OR5AS1: variants seen among roughly 807,000 people sequenced by gnomAD.
OR5AS1 encodes the protein olfactory receptor family 5 subfamily AS member 1, also known as olfactory receptor 5AS1.
For synonymous variants in OR5AS1, 196 were observed against 141.7 expected (o/e 1.38, Z -2.72); for missense variants, 492 against 378.2 (o/e 1.30, Z -2.50).
rs558003479 is a variant in OR5AS1, at chr11:56,036,895, C to A, written c.*5502C>A. On this transcript the variant is annotated 3_prime_UTR_variant, in exon 2 of 2. Transcript: ENST00000641320. ...AAAAATACTGGCAAACTGAATTCAG[C>A]GGCACATCAAAAAGCTTATCCACCA... 2 of 151,982 alleles carry A rather than the reference C, an allele frequency of 1.3e-5. No individual in the cohort carries two copies. The highest frequency in any genetic ancestry group is 4.1e-4 in the South Asian group (2 of 4,822). The allele number at this position is 151,982 out of a possible 1,614,324, so 9.4% of individuals were successfully genotyped here. A position where few individuals can be genotyped will look rare whatever the true frequency, so the allele number is the denominator to read the frequency against.
At position 56,037,874 on chromosome 11, in the gene OR5AS1, A is replaced by G. The variant is rs1198428044; in HGVS notation, c.*6481A>G. On this transcript the variant is annotated 3_prime_UTR_variant, in exon 2 of 2. Transcript: ENST00000641320. ...ATGCTACCTGGCTTCAAACTATACTACAAGGCTACAGTAATAAAAACAGTA... is the reference window on the plus strand; with the variant it reads ...ATGCTACCTGGCTTCAAACTATACTGCAAGGCTACAGTAATAAAAACAGTA... 6.6e-6 allele frequency: 1 copy of G among 152,144 alleles called. No individual in the cohort carries two copies. Among genetic ancestry groups the G allele is most frequent in the Non-Finnish European group, 1.5e-5 (1 of 68,052 alleles). The allele number at this position is 152,144 out of a possible 1,614,324, so 9.4% of individuals were successfully genotyped here.
chr11:56,028,315 T>TA (rs1041884184), intron 1 of OR5AS1, among the ~76,000 whole-genome samples: 53 of 152,166 alleles, frequency 3.5e-4, no homozygotes, highest in African/African-American at 1.3e-3. Context: ...ATATAACAAA[T>TA]AATTTAGGCA....
chr11:56,035,783 G>A lies in OR5AS1; in HGVS notation c.*4390G>A, dbSNP rs750898996. 2.6e-5 allele frequency: 4 copies of A among 152,036 alleles called. No individual in the cohort carries two copies. The highest frequency in any genetic ancestry group is 4.4e-5 in the Non-Finnish European group (3 of 68,046). The allele number at this position is 152,036 out of a possible 1,614,324, so 9.4% of individuals were successfully genotyped here. A position where few individuals can be genotyped will look rare whatever the true frequency, so the allele number is the denominator to read the frequency against. On this transcript the variant is annotated 3_prime_UTR_variant, in exon 2 of 2. Coordinates refer to ENST00000641320, the MANE Select transcript of OR5AS1 (RefSeq NM_001001921.2). ...CTTGAACTCAGCTCTGGACCAAGCAGACCTAATAGACCTCTACAGAACTCT... is the reference window on the plus strand; with the variant it reads ...CTTGAACTCAGCTCTGGACCAAGCAAACCTAATAGACCTCTACAGAACTCT...
rs751678597 is a variant in OR5AS1 at position 56,030,487 on chromosome 11, CAG to C, written c.72_73del (p.Arg24SerfsTer26). ...TTGGATTCACAGATTATCTACCTCT[CAG>C]AGTCACACTGTTCTTGGTATTCCTT... ...FVGFTDYLPL[R>X]VTLFLVFLLV... On this transcript the variant is annotated frameshift_variant, in exon 2 of 2. Coordinates refer to ENST00000641320, the MANE Select transcript of OR5AS1 (RefSeq NM_001001921.2). LOFTEE classifies it low-confidence loss of function (END_TRUNC). 2.0e-6 allele frequency: 3 copies of C among 1,512,138 alleles called. No homozygotes were observed. Among genetic ancestry groups the C allele is most frequent in the South Asian group, 2.7e-5 (2 of 74,420 alleles). 93.7% of individuals were successfully genotyped at this position (1,512,138 alleles called of 1,614,324 possible).
chr11:56,028,342 G>A (rs1401437053), intron 1 of OR5AS1, among the ~76,000 whole-genome samples: 1 of 151,966 alleles, frequency 6.6e-6, no homozygotes, highest in Non-Finnish European at 1.5e-5. Context: ...AGTTCAATGA[G>A]TTCTAGAAAA....
In OR5AS1 at chr11:56,035,619, GA is replaced by G. The variant is rs1222148740; in HGVS notation, c.*4227del. On this transcript the variant is annotated 3_prime_UTR_variant, in exon 2 of 2. Coordinates refer to ENST00000641320, the MANE Select transcript of OR5AS1 (RefSeq NM_001001921.2). The stretch of plus-strand genomic sequence containing the variant: ...CTAAATATATATGTACCCAATACAA[GA>G]GCACCCAAATTCATAAAGCCAGTTC... 1 of 152,064 alleles carries G rather than the reference GA, an allele frequency of 6.6e-6. No homozygotes were observed. The highest frequency in any genetic ancestry group is 1.5e-5 in the Non-Finnish European group (1 of 68,022). 9.4% of individuals were successfully genotyped at this position (152,064 alleles called of 1,614,324 possible). A position where few individuals can be genotyped will look rare whatever the true frequency, so the allele number is the denominator to read the frequency against.
rs1212602973 is a variant in OR5AS1, at chr11:56,037,422, A to C, written c.*6029A>C. The C allele has an allele frequency of 6.6e-6, 1 of 152,176 alleles. No individual in the cohort carries two copies. Among genetic ancestry groups the C allele is most frequent in the Non-Finnish European group, 1.5e-5 (1 of 68,048 alleles). 9.4% of individuals were successfully genotyped at this position (152,176 alleles called of 1,614,324 possible). ...TAAGCAACTTCAGCAAAATGTCAGGATACAAAATCAATGTGCAAAAATCAC... is the reference window on the plus strand; with the variant it reads ...TAAGCAACTTCAGCAAAATGTCAGGCTACAAAATCAATGTGCAAAAATCAC... On this transcript the variant is annotated 3_prime_UTR_variant, in exon 2 of 2. Transcript: ENST00000641320.
At position 56,033,099 on chromosome 11, in the gene OR5AS1, T is replaced by C. The variant is rs1464031712; in HGVS notation, c.*1706T>C. 2.0e-5 allele frequency: 3 copies of C among 152,398 alleles called. No homozygotes were observed. The highest frequency in any genetic ancestry group is 6.6e-5 in the Admixed American group (1 of 15,262). The allele number at this position is 152,398 out of a possible 1,614,324, so 9.4% of individuals were successfully genotyped here. A position where few individuals can be genotyped will look rare whatever the true frequency, so the allele number is the denominator to read the frequency against. On this transcript the variant is annotated 3_prime_UTR_variant, in exon 2 of 2. Transcript: ENST00000641320. ...AGGAACGGGTGCACTCTGGCCCAGATACTATGCTTTTCCCATCGTCTTCAC... is the reference window on the plus strand; with the variant it reads ...AGGAACGGGTGCACTCTGGCCCAGACACTATGCTTTTCCCATCGTCTTCAC...
Position 56,038,104 on chromosome 11 carries a change from T to G in OR5AS1, c.*6711T>G, listed in dbSNP as rs767447951. ...GAAACTGGACCCCTTCCTTATATCTTATACAAAAATTAACTCAAGATGGAT... is the reference window on the plus strand; with the variant it reads ...GAAACTGGACCCCTTCCTTATATCTGATACAAAAATTAACTCAAGATGGAT... On this transcript the variant is annotated 3_prime_UTR_variant, in exon 2 of 2. Coordinates refer to ENST00000641320, the MANE Select transcript of OR5AS1 (RefSeq NM_001001921.2). The G allele has an allele frequency of 1.1e-4, 17 of 152,262 alleles. No individual in the cohort carries two copies. Among genetic ancestry groups the G allele is most frequent in the Non-Finnish European group, 1.8e-4 (12 of 68,034 alleles). 9.4% of individuals were successfully genotyped at this position (152,262 alleles called of 1,614,324 possible). A position where few individuals can be genotyped will look rare whatever the true frequency, so the allele number is the denominator to read the frequency against.
rs1360756480 is a variant in OR5AS1, at chr11:56,030,846, G to A, written c.428G>A (p.Cys143Tyr). 1 of 1,613,810 alleles carries A rather than the reference G, an allele frequency of 6.2e-7. No individual in the cohort carries two copies. ...CTGATGTCTAGGAGAGTCTGTGTCT[G>A]CTTCATTGTGTTGGCATATTTCAGT... ...TTLMSRRVCV[C>Y]FIVLAYFSGS... The change falls in exon 2 of 2, where the codon TGC (cysteine) becomes TAC (tyrosine). Residue 143 changes from cysteine (C) to tyrosine (Y), a missense_variant. Physicochemically the swap from Cys to Tyr is radical, Grantham distance 194. Transcript: ENST00000641320.
In OR5AS1 at chr11:56,030,405, A is replaced by G. The variant is rs778378642; in HGVS notation, c.-14A>G. 1 of 1,434,576 alleles carries G rather than the reference A, an allele frequency of 7.0e-7. No homozygotes were observed. The highest frequency in any genetic ancestry group is 9.2e-7 in the Non-Finnish European group (1 of 1,089,622). 88.9% of individuals were successfully genotyped at this position (1,434,576 alleles called of 1,614,324 possible). ...ATACTACCTAGGTCCAGTGGGAAAA[A>G]CAAGAAAACTAAGATGTTGGAGAGT... is the stretch of plus-strand genomic sequence containing the variant. On this transcript the variant is annotated 5_prime_UTR_variant, in exon 2 of 2. Coordinates refer to ENST00000641320, the MANE Select transcript of OR5AS1 (RefSeq NM_001001921.2).
chr11:56,028,469 T>C (rs1384862083), intron 1 of OR5AS1, among the ~76,000 whole-genome samples: 1 of 152,126 alleles, frequency 6.6e-6, no homozygotes, highest in Non-Finnish European at 1.5e-5. Flanking sequence ...TACTAATATT[T>C]CTGCTATCTG....
rs1250928257 is a variant in OR5AS1, at chr11:56,031,246, GT to G, written c.832del (p.Tyr278IlefsTer11). The G allele has an allele frequency of 3.7e-6, 6 of 1,613,736 alleles. No individual in the cohort carries two copies. Among genetic ancestry groups the G allele is most frequent in the Non-Finnish European group, 4.2e-6 (5 of 1,179,806 alleles). On this transcript the variant is annotated frameshift_variant, in exon 2 of 2. Transcript: ENST00000641320. LOFTEE classifies it low-confidence loss of function (END_TRUNC). ...SLDTDKVVAV[F>X]YTVVFPMFNP... Reference sequence around the variant, plus strand: ...TAGACACTGATAAGGTGGTGGCAGTGTTTTATACTGTTGTATTTCCCATGTT... The same window carrying G: ...TAGACACTGATAAGGTGGTGGCAGTGTTTATACTGTTGTATTTCCCATGTT...
Position 56,030,430 on chromosome 11 carries a change from T to A in OR5AS1, c.12T>A (p.Ser4Arg). 6.8e-7 allele frequency: 1 copy of A among 1,478,614 alleles called. No individual in the cohort carries two copies. Among genetic ancestry groups the A allele is most frequent in the Non-Finnish European group, 9.0e-7 (1 of 1,113,626 alleles). 91.6% of individuals were successfully genotyped at this position (1,478,614 alleles called of 1,614,324 possible). MLE[S>R]NYTMPTEFLF... ...ACAAGAAAACTAAGATGTTGGAGAG[T>A]AATTACACCATGCCAACTGAGTTCC... is the stretch of plus-strand genomic sequence containing the variant. Residue 4 changes from serine to arginine, a missense_variant, in exon 2 of 2, where the codon AGT becomes AGA. Physicochemically the swap from Ser to Arg is moderately radical, Grantham distance 110. Transcript: ENST00000641320.
rs562620016 is a variant in OR5AS1 at position 56,036,344 on chromosome 11, T to A, written c.*4951T>A. The A allele has an allele frequency of 1.3e-5, 2 of 151,584 alleles. No homozygotes were observed. The highest frequency in any genetic ancestry group is 4.8e-5 in the African/African-American group (2 of 41,278). The allele number at this position is 151,584 out of a possible 1,614,324, so 9.4% of individuals were successfully genotyped here. ...TTCAAAAAATCAATGAATCCAGGAG[T>A]TGGTTTTTGGAAAAGATCAACAAAA... is the stretch of plus-strand genomic sequence containing the variant. On this transcript the variant is annotated 3_prime_UTR_variant, in exon 2 of 2. Coordinates refer to ENST00000641320, the MANE Select transcript of OR5AS1 (RefSeq NM_001001921.2).
Position 56,030,424 on chromosome 11 carries a change from G to A in OR5AS1, c.6G>A (p.Leu2=). The A allele has an allele frequency of 3.4e-6, 5 of 1,458,890 alleles. No homozygotes were observed. In the Middle Eastern group the frequency reaches 7.4e-4, roughly 215 times the overall value. 90.4% of individuals were successfully genotyped at this position (1,458,890 alleles called of 1,614,324 possible). M[L]ESNYTMPTEF... is the part of the protein sequence containing the mutation. ...GGAAAAACAAGAAAACTAAGATGTT[G>A]GAGAGTAATTACACCATGCCAACTG... Residue 2 remains leucine (L), a synonymous_variant, in exon 2 of 2, where the codon TTG becomes TTA. Coordinates refer to ENST00000641320, the MANE Select transcript of OR5AS1 (RefSeq NM_001001921.2).
Position 56,030,715 on chromosome 11 carries a change from A to G in OR5AS1, c.297A>G (p.Leu99=). Residue 99 remains leucine (L), a synonymous_variant, in exon 2 of 2, where the codon CTA becomes CTG. Transcript: ENST00000641320. ...GCATCTCTCCTTATGGGTGTGCACT[A>G]CAAATGTTTTTCTTCGCTTCTTTTG... ...RKSISPYGCA[L]QMFFFASFAD... The G allele has an allele frequency of 6.2e-7, 1 of 1,611,186 alleles. No homozygotes were observed. Among genetic ancestry groups the G allele is most frequent in the Non-Finnish European group, 8.5e-7 (1 of 1,178,072 alleles).
rs10792449 is a variant in OR5AS1, at chr11:56,037,438, C to A, written c.*6045C>A. The A allele has an allele frequency of 2.0e-5, 3 of 151,936 alleles. No homozygotes were observed. The highest frequency in any genetic ancestry group is 7.3e-5 in the African/African-American group (3 of 41,316). The allele number at this position is 151,936 out of a possible 1,614,324, so 9.4% of individuals were successfully genotyped here. A position where few individuals can be genotyped will look rare whatever the true frequency, so the allele number is the denominator to read the frequency against. ...AATGTCAGGATACAAAATCAATGTGCAAAAATCACAAGCATTCCTATACAC... is the reference window on the plus strand; with the variant it reads ...AATGTCAGGATACAAAATCAATGTGAAAAAATCACAAGCATTCCTATACAC... On this transcript the variant is annotated 3_prime_UTR_variant, in exon 2 of 2. Coordinates refer to ENST00000641320, the MANE Select transcript of OR5AS1 (RefSeq NM_001001921.2).
intron 1 of OR5AS1, 140 bp downstream of exon 1, chr11:56,027,852 G>A (rs1224785454): frequency 6.6e-6 from 1 of 151,582 alleles, no homozygotes; most frequent in East Asian, 1.9e-4. Context: ...GTTTGTGTAT[G>A]TATGTGGGCT....
Sources: allele counts gnomAD v4.1 joint callset (sites outside exome capture counted in the v4.1 genomes callset), GRCh38; gene constraint gnomAD v4.1.1; transcripts MANE v1.5; gene names NCBI Gene and HGNC (gene_info 2026-07-23, HGNC 2026-07-21).